The following AK5 variants were observed in gnomAD, a reference collection of about 807,000 sequenced individuals.
The protein encoded by AK5 is adenylate kinase isoenzyme 5.
In AK5, 27 loss-of-function variants were observed where a neutral mutation model predicts 69.5. The observed-to-expected ratio is 0.39, with a 90% CI of 0.29 to 0.54. The LOEUF is 0.54. AK5 is among the 20% of genes least tolerant of loss of function. The pLI is 0.71. For missense variants in AK5, 531 were observed against 700.4 expected (o/e 0.76, Z 2.73); for synonymous variants, 260 against 244.4 (o/e 1.06, Z -0.60).
chr1:77,369,808 GTGTTT>G (rs1647085940), intron 6 of AK5, among the ~76,000 whole-genome samples: 1 of 152,168 alleles, frequency 6.6e-6, no homozygotes, highest in Non-Finnish European at 1.5e-5. Flanking sequence ...GTTTCAAAAA[GTGTTT>G]TGACAAAAGC....
At chr1:77,299,575 G>A (rs1659218643) in intron 5 of AK5, among the ~76,000 whole-genome samples, 1 of 152,144 alleles carries the variant, frequency 6.6e-6, no homozygotes, top group South Asian at 2.1e-4. Flanking sequence ...AAACTCTGGT[G>A]CTCAGTCAGC....
At chr1:77,496,208 G>C (rs1272310553) in intron 10 of AK5, among the ~76,000 whole-genome samples, 1 of 152,196 alleles carries the variant, frequency 6.6e-6, no homozygotes, top group Non-Finnish European at 1.5e-5. Flanking sequence ...GGAAGAAAGT[G>C]GGGGTGAGCC....
chr1:77,300,309 C>T (rs1219629564), intron 5 of AK5, among the ~76,000 whole-genome samples: 1 of 152,166 alleles, frequency 6.6e-6, no homozygotes, highest in Non-Finnish European at 1.5e-5. Context: ...CAGTAACTTA[C>T]ATTTATTGTT....
intron 13 of AK5, among the ~76,000 whole-genome samples, chr1:77,538,668 A>T (rs1296538971): frequency 1.3e-5 from 2 of 151,954 alleles, no homozygotes; most frequent in African/African-American, 2.4e-5. Flanking sequence ...AAAAAAAATT[A>T]AAAAAAAGAA....
chr1:77,331,424 A>T (rs1052672020), intron 5 of AK5, among the ~76,000 whole-genome samples: 1 of 152,182 alleles, frequency 6.6e-6, no homozygotes, highest in African/African-American at 2.4e-5. Flanking sequence ...ATCATGAATG[A>T]ATGTTAAATA....
At chr1:77,555,541 A>C (rs1660058632) in intron 13 of AK5, among the ~76,000 whole-genome samples, 1 of 152,216 alleles carries the variant, frequency 6.6e-6, no homozygotes, top group South Asian at 2.1e-4. Flanking sequence ...TCTTGAAAAA[A>C]TTTAATTCAT....
At chr1:77,391,466 C>T (rs1473503649) in intron 6 of AK5, among the ~76,000 whole-genome samples, 9 of 84,176 alleles carry the variant, frequency 1.1e-4, no homozygotes, top group African/African-American at 3.1e-4. Flanking sequence ...TATATATATA[C>T]ACATATGTGT....
At chr1:77,547,227 T>C (rs1659586901) in intron 13 of AK5, among the ~76,000 whole-genome samples, 1 of 151,854 alleles carries the variant, frequency 6.6e-6, no homozygotes, top group South Asian at 2.1e-4. Flanking sequence ...TTTAACCTAA[T>C]ATATCCTAAG....
At chr1:77,295,654 C>T (rs1034908435) in intron 3 of AK5, among the ~76,000 whole-genome samples, 41 of 138,660 alleles carry the variant, frequency 3.0e-4, no homozygotes, top group African/African-American at 9.7e-4. Context: ...GAGATTTGTA[C>T]GTGGACAGAA....
rs538251376 is a variant in AK5, at chr1:77,358,501, C to T, written c.891+17933C>T. ...GATTAAGCAGCTGCAGAACCCTCTG[C>T]AGATCACTCTGAGGATCTAGAAAAG... On this transcript the variant is annotated intron_variant, in intron 6 of 13. Transcript: ENST00000354567. Among the ~76,000 whole-genome samples, 18 of 152,220 alleles carry T rather than the reference C, an allele frequency of 1.2e-4. No individual in the cohort carries two copies. In the East Asian group the frequency reaches 3.3e-3, roughly 28 times the overall value.
chr1:77,426,896 TA>T (rs1210044224), intron 8 of AK5, among the ~76,000 whole-genome samples: 1 of 151,890 alleles, frequency 6.6e-6, no homozygotes, highest in African/African-American at 2.4e-5. Context: ...TTGGGTCAAA[TA>T]AAAAACCTCA....
chr1:77,289,905 G>A (rs1044552027), intron 2 of AK5, among the ~76,000 whole-genome samples: 4 of 134,890 alleles, frequency 3.0e-5, no homozygotes, highest in Non-Finnish European at 6.4e-5. Context: ...TACAAATTTT[G>A]TAAAAATGTC....
intron 10 of AK5, among the ~76,000 whole-genome samples, chr1:77,495,603 A>G (rs543450810): frequency 6.6e-6 from 1 of 152,346 alleles, no homozygotes; most frequent in South Asian, 2.1e-4. Context: ...TATGTCTTTT[A>G]CCGTAAAGAA....
intron 5 of AK5, among the ~76,000 whole-genome samples, chr1:77,333,015 C>T (rs1661169046): frequency 6.6e-6 from 1 of 151,472 alleles, no homozygotes; most frequent in African/African-American, 2.4e-5. Flanking sequence ...TTGTTTCTTC[C>T]TGGATAATTA....
intron 10 of AK5, among the ~76,000 whole-genome samples, chr1:77,508,000 G>A (rs1165774493): frequency 6.6e-6 from 1 of 152,084 alleles, no homozygotes; most frequent in Non-Finnish European, 1.5e-5. Flanking sequence ...AATCCAAAAT[G>A]TTCCAAAGTC....
At chr1:77,465,297 G>A (rs1654073869) in intron 8 of AK5, among the ~76,000 whole-genome samples, 1 of 152,130 alleles carries the variant, frequency 6.6e-6, no homozygotes, top group Non-Finnish European at 1.5e-5. Flanking sequence ...GATGAAAAAT[G>A]TGTAGCTGTA....
intron 11 of AK5, among the ~76,000 whole-genome samples, chr1:77,520,702 G>A (rs1657930869): frequency 6.6e-6 from 1 of 152,170 alleles, no homozygotes; most frequent in Non-Finnish European, 1.5e-5. Flanking sequence ...CTAGCATTCT[G>A]TACCTCTTTG....
At chr1:77,373,586 C>T (rs1016347998) in intron 6 of AK5, among the ~76,000 whole-genome samples, 12 of 152,028 alleles carry the variant, frequency 7.9e-5, no homozygotes, top group African/African-American at 2.9e-4. Flanking sequence ...ATTAGCCAGG[C>T]ATGGTGGCAG....
At chr1:77,407,026 A>G (rs748311611) in intron 6 of AK5, among the ~76,000 whole-genome samples, 18 of 152,076 alleles carry the variant, frequency 1.2e-4, no homozygotes, top group Admixed American at 7.2e-4. Context: ...TCTGGCATCC[A>G]GTAAAAAATT....
Sources: allele counts gnomAD v4.1 joint callset (sites outside exome capture counted in the v4.1 genomes callset), GRCh38; gene constraint gnomAD v4.1.1; transcripts MANE v1.5; gene names NCBI Gene and HGNC (gene_info 2026-07-23, HGNC 2026-07-21).